The following TMEM132D variants were observed in gnomAD, a reference collection of about 807,000 sequenced individuals.
TMEM132D encodes the protein transmembrane protein 132D.
Under a neutral mutation model 62.3 loss-of-function variants are expected in TMEM132D, and 21 were observed. That is an observed-to-expected ratio of 0.34 (90% CI 0.24 to 0.49). TMEM132D has a LOEUF of 0.49. Among genes scored for constraint, TMEM132D ranks in the 20% least tolerant of loss-of-function variants. The probability of loss-of-function intolerance (pLI) is 0.99; values close to 1 mark genes in which losing one functional copy is unlikely to be tolerated. For missense variants in TMEM132D, 1,346 were observed against 1,402.8 expected, an observed-to-expected ratio of 0.96 and a Z score of 0.65; for synonymous variants, 621 against 575.6, an observed-to-expected ratio of 1.08 and a Z score of -1.13.
In TMEM132D at chr12:129,075,075, T is replaced by A. The variant is rs756867682; in HGVS notation, c.2116-16A>T. The A allele has an allele frequency of 6.3e-7, 1 of 1,588,424 alleles. No individual in the cohort carries two copies. The highest frequency in any genetic ancestry group is 8.5e-7 in the Non-Finnish European group (1 of 1,171,620). On this transcript the variant is annotated splice_polypyrimidine_tract_variant and intron_variant, in intron 8 of 8. Transcript: ENST00000422113. ...TGGCTGCTTCCTATGGAGAAAAATA[T>A]GTAAGTTAATCAAATGGGCCAAAAA...
intron 5 of TMEM132D, among the ~76,000 whole-genome samples, chr12:129,197,438 A>T (rs1878580685): frequency 6.6e-6 from 1 of 152,204 alleles, no homozygotes; most frequent in Non-Finnish European, 1.5e-5. Context: ...AAATGAGGAT[A>T]AAAATAATAC....
intron 4 of TMEM132D, among the ~76,000 whole-genome samples, chr12:129,240,602 A>C (rs1469949676): frequency 6.6e-6 from 1 of 152,210 alleles, no homozygotes; most frequent in Non-Finnish European, 1.5e-5. Flanking sequence ...TGATTTAAAA[A>C]TCATAAAAAG....
chr12:129,571,287 C>T (rs999736842), intron 2 of TMEM132D, among the ~76,000 whole-genome samples: 33 of 152,050 alleles, frequency 2.2e-4, no homozygotes, highest in East Asian at 1.7e-3. Flanking sequence ...AATTTAAGGC[C>T]GGGCGTGGTG....
chr12:129,794,968 G>A (rs992444763), intron 1 of TMEM132D, among the ~76,000 whole-genome samples: 2 of 152,188 alleles, frequency 1.3e-5, no homozygotes, highest in African/African-American at 2.4e-5. Context: ...CGGAGGGAAC[G>A]TGGCTATCAG....
intron 3 of TMEM132D, among the ~76,000 whole-genome samples, chr12:129,480,556 A>G (rs900312777): frequency 2.0e-5 from 3 of 152,182 alleles, no homozygotes; most frequent in African/African-American, 4.8e-5. Context: ...ATGCTGTCCC[A>G]CAGACCTTTC....
At chr12:129,744,161 A>G (rs1304234652) in intron 1 of TMEM132D, among the ~76,000 whole-genome samples, 2 of 152,198 alleles carry the variant, frequency 1.3e-5, no homozygotes, top group Non-Finnish European at 2.9e-5. Flanking sequence ...CTCATGCATT[A>G]TTTTAATGGC....
chr12:129,871,579 A>C (rs563570838), intron 1 of TMEM132D, among the ~76,000 whole-genome samples: 1 of 152,086 alleles, frequency 6.6e-6, no homozygotes, highest in Non-Finnish European at 1.5e-5. Context: ...AAATGTTTCT[A>C]GCAAGCAGAA....
At chr12:129,507,979 C>T (rs1875388232) in intron 3 of TMEM132D, among the ~76,000 whole-genome samples, 1 of 152,150 alleles carries the variant, frequency 6.6e-6, no homozygotes, top group Non-Finnish European at 1.5e-5. Context: ...TCATGGCCTG[C>T]AGACTATCCT....
chr12:129,569,019 T>G lies in TMEM132D; in HGVS notation c.969-37814A>C, dbSNP rs185718518. On this transcript the variant is annotated intron_variant, in intron 2 of 8. Coordinates refer to ENST00000422113, the MANE Select transcript of TMEM132D (RefSeq NM_133448.3). ...CAGGTTTGGGGTGAGACAGGAGAATTTGTACATCTAACAAATGCTGCTGGT... is the reference window on the plus strand; with the variant it reads ...CAGGTTTGGGGTGAGACAGGAGAATGTGTACATCTAACAAATGCTGCTGGT... Among the ~76,000 whole-genome samples the G allele has an allele frequency of 3.3e-5, 5 of 152,270 alleles. No individual in the cohort carries two copies. The East Asian group carries it at 9.7e-4, about 29-fold the overall frequency.
At chr12:129,098,273 G>A (rs1020395940) in intron 5 of TMEM132D, among the ~76,000 whole-genome samples, 2 of 152,214 alleles carry the variant, frequency 1.3e-5, no homozygotes, top group Non-Finnish European at 2.9e-5. Context: ...CGTTGACAAA[G>A]GAGTAAAGGC....
chr12:129,495,669 G>A (rs868482418), intron 3 of TMEM132D, among the ~76,000 whole-genome samples: 1 of 152,184 alleles, frequency 6.6e-6, no homozygotes, highest in Non-Finnish European at 1.5e-5. Flanking sequence ...CACTGGGAGA[G>A]AACAGATTGT....
At chr12:129,501,002 T>C (rs1875123439) in intron 3 of TMEM132D, among the ~76,000 whole-genome samples, 1 of 104,726 alleles carries the variant, frequency 9.5e-6, no homozygotes, top group Non-Finnish European at 1.9e-5. Context: ...TCCTGGTCTG[T>C]CTTTAGTCTC....
At chr12:129,406,186 A>G (rs1175834402) in intron 3 of TMEM132D, among the ~76,000 whole-genome samples, 1 of 152,252 alleles carries the variant, frequency 6.6e-6, no homozygotes, top group Non-Finnish European at 1.5e-5. Flanking sequence ...GCACGTTTGT[A>G]TACATTCACC....
Position 129,193,089 on chromosome 12 carries a change from C to A in TMEM132D, c.1443+16431G>T, listed in dbSNP as rs1194536166. Among the ~76,000 whole-genome samples, 6 of 146,114 alleles carry A rather than the reference C, an allele frequency of 4.1e-5. No individual in the cohort carries two copies. The East Asian group carries it at 1.2e-3, about 30-fold the overall frequency. On this transcript the variant is annotated intron_variant, in intron 5 of 8. Coordinates refer to ENST00000422113, the MANE Select transcript of TMEM132D (RefSeq NM_133448.3). ...AGGAGAATGGCGTGAACCCGGGAGGCGGAGCTTGCAGTGAGCCGAGATCGT... is the reference window on the plus strand; with the variant it reads ...AGGAGAATGGCGTGAACCCGGGAGGAGGAGCTTGCAGTGAGCCGAGATCGT...
chr12:129,098,495 C>T (rs1408213677), intron 5 of TMEM132D, among the ~76,000 whole-genome samples: 1 of 152,118 alleles, frequency 6.6e-6, no homozygotes, highest in Non-Finnish European at 1.5e-5. Flanking sequence ...AGGGTCTCTA[C>T]CAAGAAATGA....
In TMEM132D at chr12:129,803,185, G is replaced by A. The variant is rs888895846; in HGVS notation, c.79+100076C>T. Among the ~76,000 whole-genome samples the A allele has an allele frequency of 1.1e-4, 16 of 151,546 alleles. 1 individual carries two copies. Among genetic ancestry groups the A allele is most frequent in the Admixed American group, 2.0e-4 (3 of 15,222 alleles). ...AATTCAACTCAGCTCTGCACCAAGC[G>A]GGCCTAATAGACATCTACAGAACTC... On this transcript the variant is annotated intron_variant, in intron 1 of 8. Coordinates refer to ENST00000422113, the MANE Select transcript of TMEM132D (RefSeq NM_133448.3).
intron 5 of TMEM132D, among the ~76,000 whole-genome samples, chr12:129,087,479 A>G (rs113252396): frequency 2.8e-4 from 42 of 150,578 alleles, no homozygotes; most frequent in Non-Finnish European, 4.9e-4. Context: ...GGTGGGCCCT[A>G]AGTGGAGTTG....
chr12:129,295,928 A>T (rs1366851783), intron 4 of TMEM132D, among the ~76,000 whole-genome samples: 1 of 151,884 alleles, frequency 6.6e-6, no homozygotes. Context: ...AATATTTTCC[A>T]CCTGTGGTTG....
At chr12:129,103,155 GA>G (rs1875370702) in intron 5 of TMEM132D, among the ~76,000 whole-genome samples, 1 of 152,148 alleles carries the variant, frequency 6.6e-6, no homozygotes, top group African/African-American at 2.4e-5. Flanking sequence ...TCCAGTGAGG[GA>G]AATTAGAAGG....
Sources: gnomAD v4.1 joint callset for allele counts (sites outside exome capture counted in the v4.1 genomes callset) on GRCh38, gnomAD v4.1.1 for gene constraint, MANE v1.5 for transcripts, NCBI Gene and HGNC (gene_info 2026-07-23, HGNC 2026-07-21) for gene names.